CDH4: variants seen among roughly 807,000 people sequenced by gnomAD.
CDH4 encodes the protein cadherin 4.
A neutral mutation model predicts 86.0 loss-of-function variants in CDH4; 33 were observed. The observed-to-expected ratio is 0.38, with a 90% CI of 0.29 to 0.51. The LOEUF (loss-of-function observed/expected upper bound fraction) is 0.51, where lower values mean the gene tolerates loss of function less well. Ranked by LOEUF, CDH4 falls within the 20% of genes least tolerant of loss-of-function variation. The pLI is 0.86. For synonymous variants in CDH4, 555 were observed against 549.4 expected (o/e 1.01, Z -0.14); for missense variants, 1,114 against 1,307.4 (o/e 0.85, Z 2.28).
At position 61,526,493 on chromosome 20, in the gene CDH4, C is replaced by CT. The variant is rs550523822; in HGVS notation, c.170-217061dup. The stretch of plus-strand genomic sequence containing the variant: ...ATCCCTGGCTTGTTTTTTTTTCTTT[C>CT]TTTTTTTTTAATTTATTATTATACC... On this transcript the variant is annotated intron_variant, in intron 2 of 15. Coordinates refer to ENST00000614565, the MANE Select transcript of CDH4 (RefSeq NM_001794.5). 7.1e-3 allele frequency among the ~76,000 whole-genome samples: 1,060 copies of CT among 150,012 alleles called. 14 individuals carry two copies. The highest frequency in any genetic ancestry group is 0.025 in the African/African-American group (1,019 of 40,834).
chr20:61,908,450 G>A (rs904962591), intron 8 of CDH4, among the ~76,000 whole-genome samples: 6 of 152,202 alleles, frequency 3.9e-5, no homozygotes, highest in Non-Finnish European at 8.8e-5. Flanking sequence ...CACGGAAGGG[G>A]CGCGGGTGGG....
intron 2 of CDH4, among the ~76,000 whole-genome samples, chr20:61,530,262 C>T (rs1290651685): frequency 6.6e-6 from 1 of 152,160 alleles, no homozygotes; most frequent in African/African-American, 2.4e-5. Context: ...AACTCCTGAC[C>T]TCAAGTGATC....
rs2087510914 is a variant in CDH4, at chr20:61,681,336, T to TA, written c.170-62227_170-62226insA. On this transcript the variant is annotated intron_variant, in intron 2 of 15. Coordinates refer to ENST00000614565, the MANE Select transcript of CDH4 (RefSeq NM_001794.5). The surrounding 1 kb of genome is among the most constrained non-coding windows in gnomAD (Gnocchi z 4.5). ...TTGTCCAAATCATACAAAATACTCT[T>TA]TCTAAATTGTTAAGATTTTCTGCCA... Among the ~76,000 whole-genome samples, 1 of 152,208 alleles carries TA rather than the reference T, an allele frequency of 6.6e-6. No homozygotes were observed. The highest frequency in any genetic ancestry group is 1.5e-5 in the Non-Finnish European group (1 of 68,040).
intron 2 of CDH4, among the ~76,000 whole-genome samples, chr20:61,658,595 A>G (rs979098769): frequency 1.3e-5 from 2 of 152,096 alleles, no homozygotes; most frequent in African/African-American, 4.8e-5. Flanking sequence ...CGTTATACAC[A>G]CCAGTGTGGC....
In CDH4 at chr20:61,940,454, CAAAAAAAAAAAG is replaced by C. The variant is rs1163356225; in HGVS notation, c.*3512_*3523del. 7.4e-6 allele frequency: 1 copy of C among 135,712 alleles called. No individual in the cohort carries two copies. Among genetic ancestry groups the C allele is most frequent in the African/African-American group, 2.7e-5 (1 of 36,750 alleles). 8.4% of individuals were successfully genotyped at this position (135,712 alleles called of 1,614,324 possible). A position where few individuals can be genotyped will look rare whatever the true frequency, so the allele number is the denominator to read the frequency against. On this transcript the variant is annotated 3_prime_UTR_variant, in exon 16 of 16. Transcript: ENST00000614565. ...TATTGTTGTTTGTATCATTTTGTAC[CAAAAAAAAAAAG>C]GAAAAAAAAAGGGAAGAGAGTTGAT... is the stretch of plus-strand genomic sequence containing the variant.
intron 2 of CDH4, among the ~76,000 whole-genome samples, chr20:61,469,222 T>C (rs1275003821): frequency 2.0e-5 from 3 of 152,212 alleles, no homozygotes; most frequent in Non-Finnish European, 4.4e-5. Flanking sequence ...TGTTATTGCC[T>C]GTCTTTTGGA....
At chr20:61,652,345 C>T (rs1221992552) in intron 2 of CDH4, among the ~76,000 whole-genome samples, 1 of 62,298 alleles carries the variant, frequency 1.6e-5, no homozygotes, top group Non-Finnish European at 5.1e-5. Context: ...ACCCTACATA[C>T]TAAATAGCAC....
chr20:61,560,472 A>G (rs1399826581), intron 2 of CDH4, among the ~76,000 whole-genome samples: 1 of 152,222 alleles, frequency 6.6e-6, no homozygotes, highest in African/African-American at 2.4e-5. Flanking sequence ...GGGGGAAGTT[A>G]TCCTGAAGAT....
intron 2 of CDH4, chr20:61,370,974 G>A (rs1008365688): frequency 6.6e-6 from 1 of 152,260 alleles, no homozygotes. Context: ...AGCGCTCTGG[G>A]CAGGGGTCGC....
At chr20:61,877,645 G>A (rs575045551) in intron 7 of CDH4, among the ~76,000 whole-genome samples, 63 of 152,242 alleles carry the variant, frequency 4.1e-4, no homozygotes, top group Admixed American at 7.2e-4. Context: ...TCCAGGGCTC[G>A]TCGGGAACAT....
chr20:61,565,324 C>G (rs1175714386), intron 2 of CDH4, among the ~76,000 whole-genome samples: 3 of 27,014 alleles, frequency 1.1e-4, no homozygotes, highest in Non-Finnish European at 2.2e-4. Context: ...TGGCGGTGCT[C>G]TTGGTGATGG....
chr20:61,569,748 C>T (rs2086328149), intron 2 of CDH4, among the ~76,000 whole-genome samples: 2 of 152,148 alleles, frequency 1.3e-5, no homozygotes, highest in Non-Finnish European at 2.9e-5. Flanking sequence ...ATTGCATTTG[C>T]TGTCACGCCC....
chr20:61,284,904 G>T (rs1457113835), intron 2 of CDH4, among the ~76,000 whole-genome samples: 5 of 152,220 alleles, frequency 3.3e-5, no homozygotes, highest in African/African-American at 9.6e-5. Context: ...ATATGTACAT[G>T]AATGGGTGGG....
At chr20:61,736,105 C>T (rs1461958556) in intron 2 of CDH4, among the ~76,000 whole-genome samples, 1 of 152,130 alleles carries the variant, frequency 6.6e-6, no homozygotes, top group Non-Finnish European at 1.5e-5. Flanking sequence ...TCTGAGCCTT[C>T]TTGCAGTCAC....
At chr20:61,723,327 C>T (rs2088064157) in intron 2 of CDH4, among the ~76,000 whole-genome samples, 1 of 152,208 alleles carries the variant, frequency 6.6e-6, no homozygotes, top group South Asian at 2.1e-4. Context: ...CCTGGCTCCT[C>T]AGCACCGGGC....
intron 2 of CDH4, among the ~76,000 whole-genome samples, chr20:61,354,123 G>T (rs1047496197): frequency 6.6e-6 from 1 of 152,076 alleles, no homozygotes; most frequent in South Asian, 2.1e-4. Context: ...TGCTGGCATC[G>T]TGTAGGTGGA....
chr20:61,715,662 A>T (rs771479477), intron 2 of CDH4, among the ~76,000 whole-genome samples: 2 of 152,240 alleles, frequency 1.3e-5, no homozygotes, highest in Non-Finnish European at 2.9e-5. Context: ...GGACAGACAT[A>T]GGTGGCTCCC....
chr20:61,850,894 CG>C (rs1477546666), intron 5 of CDH4, among the ~76,000 whole-genome samples: 1 of 152,256 alleles, frequency 6.6e-6, no homozygotes, highest in Non-Finnish European at 1.5e-5. Context: ...ACACAGGCCA[CG>C]GGCAGAGGCG....
intron 2 of CDH4, among the ~76,000 whole-genome samples, chr20:61,603,331 TG>T (rs1303260154): frequency 6.6e-6 from 1 of 151,824 alleles, no homozygotes; most frequent in East Asian, 2.0e-4. Context: ...GTCTCCAAGG[TG>T]GGGCAACCAG....
Sources: gnomAD v4.1 joint callset for allele counts (sites outside exome capture counted in the v4.1 genomes callset) on GRCh38, gnomAD v4.1.1 for gene constraint, Gnocchi (gnomAD v3.1) non-coding constraint, MANE v1.5 for transcripts, NCBI Gene and HGNC (gene_info 2026-07-23, HGNC 2026-07-21) for gene names.